Variants in AGPAT3 observed in about 807,000 individuals in gnomAD.
AGPAT3 encodes the protein 1-acylglycerol-3-phosphate O-acyltransferase 3.
Under a neutral mutation model 47.3 loss-of-function variants are expected in AGPAT3, and 5 were observed. The ratio of observed to expected loss-of-function variants is 0.11; its 90% confidence interval spans 0.06 to 0.22. The LOEUF is 0.22. AGPAT3 is among the 10% of genes least tolerant of loss of function. The pLI is 1.00. For missense variants in AGPAT3, 315 were observed against 493.0 expected, an observed-to-expected ratio of 0.64 and a Z score of 3.42; for synonymous variants, 212 against 208.3, an observed-to-expected ratio of 1.02 and a Z score of -0.15.
rs370130747 is a variant in AGPAT3, at chr21:43,897,955, A to G, written c.-111-6002A>G. Among the ~76,000 whole-genome samples, 40 of 152,332 alleles carry G rather than the reference A, an allele frequency of 2.6e-4. No homozygotes were observed. In the East Asian group the frequency reaches 5.8e-3, roughly 22 times the overall value. ...GGAGCTGGAGACCAGCCCGGTCAAC[A>G]CGGCGTCTCCACCAAAAATACAAAA... On this transcript the variant is annotated intron_variant, in intron 1 of 9. Coordinates refer to ENST00000291572, the MANE Select transcript of AGPAT3 (RefSeq NM_020132.5).
rs376824543 is a variant in AGPAT3 at position 43,959,836 on chromosome 21, G to A, written c.155G>A (p.Arg52His). The A allele has an allele frequency of 1.8e-5, 29 of 1,610,022 alleles. No individual in the cohort carries two copies. In the South Asian group the frequency reaches 2.1e-4, roughly 12 times the overall value. ...CAGCTCTACCGCCGCCTCAACTGCC[G>A]CCTCGCCTACTCACTCTGGAGCCGT... ...SKQLYRRLNC[R>H]LAYSLWSQLV... is the part of the protein sequence containing the mutation. Residue 52 changes from arginine (R) to histidine (H), a missense_variant, in exon 3 of 10, where the codon CGC becomes CAC. Physicochemically the swap from Arg to His is conservative, Grantham distance 29. Transcript: ENST00000291572.
chr21:43,898,088 C>A (rs2086269780), intron 1 of AGPAT3, among the ~76,000 whole-genome samples: 1 of 152,112 alleles, frequency 6.6e-6, no homozygotes, highest in African/African-American at 2.4e-5. Flanking sequence ...GCAGTACAGT[C>A]CAGCCTCGGT....
Position 43,985,941 on chromosome 21 carries a change from GC to G in AGPAT3, c.*3551del, listed in dbSNP as rs1176127996. 6.6e-6 allele frequency: 1 copy of G among 152,524 alleles called. No individual in the cohort carries two copies. The highest frequency in any genetic ancestry group is 1.9e-4 in the East Asian group (1 of 5,198). The allele number at this position is 152,524 out of a possible 1,614,324, so 9.4% of individuals were successfully genotyped here. On this transcript the variant is annotated 3_prime_UTR_variant, in exon 10 of 10. Transcript: ENST00000291572. Reference sequence around the variant, plus strand: ...TCTTTCTGGAAACAGCACGTCCCCGGCCGTGTGCCTGCCCCTTTCTCTACTG... The same window carrying G: ...TCTTTCTGGAAACAGCACGTCCCCGGCGTGTGCCTGCCCCTTTCTCTACTG...
At chr21:43,941,739 C>T (rs1356936738) in intron 2 of AGPAT3, among the ~76,000 whole-genome samples, 1 of 152,262 alleles carries the variant, frequency 6.6e-6, no homozygotes, top group Non-Finnish European at 1.5e-5. Context: ...AGGCTGGCCC[C>T]AGCGAGCGGG....
Position 43,880,167 on chromosome 21 carries a change from G to T in AGPAT3, c.-112+14822G>T, listed in dbSNP as rs1388952275. On this transcript the variant is annotated intron_variant, in intron 1 of 9. Coordinates refer to ENST00000291572, the MANE Select transcript of AGPAT3 (RefSeq NM_020132.5). This position sits in a 1 kb window ranked among gnomAD's most constrained non-coding sequence, Gnocchi z 4.5. ...GGCCTTTTGCACCCATGAAATTGAT[G>T]TTTGTCTGTGGCCTCCCAGGCTGGT... 6.6e-6 allele frequency among the ~76,000 whole-genome samples: 1 copy of T among 152,208 alleles called. No individual in the cohort carries two copies. Among genetic ancestry groups the T allele is most frequent in the African/African-American group, 2.4e-5 (1 of 41,450 alleles).
chr21:43,943,479 G>A (rs1042368579), intron 2 of AGPAT3, among the ~76,000 whole-genome samples: 1 of 152,194 alleles, frequency 6.6e-6, no homozygotes, highest in African/African-American at 2.4e-5. Flanking sequence ...GCTAAGCCCT[G>A]CACGCACAGT....
intron 1 of AGPAT3, among the ~76,000 whole-genome samples, chr21:43,889,096 T>C (rs1359547869): frequency 6.6e-6 from 1 of 152,230 alleles, no homozygotes; most frequent in East Asian, 1.9e-4. Flanking sequence ...TGCACAGTCA[T>C]GTCATCTGTG....
At chr21:43,870,598 A>G (rs554334292) in intron 1 of AGPAT3, among the ~76,000 whole-genome samples, 88 of 151,994 alleles carry the variant, frequency 5.8e-4, no homozygotes, top group African/African-American at 1.8e-3. Context: ...TGGCGCATGC[A>G]TAGGTCCCAG....
intron 2 of AGPAT3, among the ~76,000 whole-genome samples, chr21:43,958,582 TGTG>T (rs1387403812): frequency 2.6e-5 from 4 of 151,346 alleles, no homozygotes; most frequent in Non-Finnish European, 5.9e-5. Flanking sequence ...GTGTGTGGTT[TGTG>T]GTGTGTGTGG....
intron 1 of AGPAT3, among the ~76,000 whole-genome samples, chr21:43,871,409 G>A (rs1169239853): frequency 3.3e-5 from 5 of 152,166 alleles, no homozygotes; most frequent in Admixed American, 6.5e-5. Flanking sequence ...AGACCCTCCC[G>A]TAAGATCTAT....
chr21:43,938,986 G>A (rs1025105944), intron 2 of AGPAT3, among the ~76,000 whole-genome samples: 2 of 152,194 alleles, frequency 1.3e-5, no homozygotes, highest in African/African-American at 4.8e-5. Flanking sequence ...TAAAGGCTGA[G>A]CATGTCAGGA....
intron 3 of AGPAT3, among the ~76,000 whole-genome samples, chr21:43,964,565 A>G (rs936936286): frequency 2.0e-5 from 3 of 152,194 alleles, no homozygotes; most frequent in Admixed American, 1.3e-4. Flanking sequence ...CTTCCAAAGT[A>G]TTAGAAAAAG....
intron 8 of AGPAT3, 83 bp from the exon 9 acceptor site, chr21:43,980,906 C>T: frequency 3.4e-6 from 4 of 1,184,748 alleles, no homozygotes; most frequent in East Asian, 2.7e-5. Flanking sequence ...AGTCGTTTTT[C>T]ATTGCCAACA....
intron 2 of AGPAT3, among the ~76,000 whole-genome samples, chr21:43,926,259 C>T (rs948054851): frequency 1.3e-5 from 2 of 152,188 alleles, no homozygotes; most frequent in African/African-American, 4.8e-5. Flanking sequence ...CCTCCAGCAG[C>T]GGTGAAATCT....
chr21:43,885,353 AT>A (rs932835767), intron 1 of AGPAT3, among the ~76,000 whole-genome samples: 2 of 143,452 alleles, frequency 1.4e-5, no homozygotes, highest in African/African-American at 5.1e-5. Context: ...TTCAATTACA[AT>A]TTTTTTTCTA....
At chr21:43,980,906 C>G in intron 8 of AGPAT3, 83 bp from the exon 9 acceptor site, 18 of 1,184,684 alleles carry the variant, frequency 1.5e-5, no homozygotes, top group East Asian at 2.7e-5. Flanking sequence ...AGTCGTTTTT[C>G]ATTGCCAACA....
In AGPAT3 at chr21:43,955,365, C is replaced by T; in HGVS notation, c.-48-4269C>T. 1 of 480,714 alleles carries T rather than the reference C, an allele frequency of 2.1e-6. No homozygotes were observed. Among genetic ancestry groups the T allele is most frequent in the South Asian group, 2.9e-5 (1 of 34,164 alleles). The allele number at this position is 480,714 out of a possible 1,614,324, so 29.8% of individuals were successfully genotyped here. ...CACAGGCGGCTTAGCTTGTCAACAC[C>T]CATAACGCTATGCACGGACACTCGG... is the stretch of plus-strand genomic sequence containing the variant. On this transcript the variant is annotated intron_variant, in intron 2 of 9. Transcript: ENST00000291572. The surrounding 1 kb of genome is among the most constrained non-coding windows in gnomAD (Gnocchi z 4.1).
chr21:43,924,564 C>T (rs987445708), intron 2 of AGPAT3, among the ~76,000 whole-genome samples: 7 of 152,198 alleles, frequency 4.6e-5, no homozygotes, highest in African/African-American at 1.7e-4. Flanking sequence ...CTCCTGTTAG[C>T]AATCAGGCGG....
chr21:43,910,952 C>G (rs2086618903), intron 2 of AGPAT3, among the ~76,000 whole-genome samples: 1 of 152,192 alleles, frequency 6.6e-6, no homozygotes, highest in Non-Finnish European at 1.5e-5. Flanking sequence ...AAATTAAACA[C>G]AGAGCCAAAT....
Sources: allele counts gnomAD v4.1 joint callset (sites outside exome capture counted in the v4.1 genomes callset), GRCh38; gene constraint gnomAD v4.1.1; non-coding constraint Gnocchi (gnomAD v3.1); transcripts MANE v1.5; gene names NCBI Gene and HGNC (gene_info 2026-07-23, HGNC 2026-07-21).